ELK3: variants seen among roughly 807,000 people sequenced by gnomAD.
The protein encoded by ELK3 is ETS domain-containing protein Elk-3.
A neutral mutation model predicts 28.9 loss-of-function variants in ELK3; 10 were observed. That is an observed-to-expected ratio of 0.35 (90% CI 0.21 to 0.59). The LOEUF (loss-of-function observed/expected upper bound fraction) is 0.59. Among genes scored for constraint, ELK3 ranks in the 20% least tolerant of loss-of-function variants. The pLI is 0.82. For synonymous variants in ELK3, 272 were observed against 243.5 expected (o/e 1.12, Z -1.09); for missense variants, 463 against 517.3 (o/e 0.90, Z 1.02).
At chr12:96,201,198 AT>A (rs1334241529) in intron 1 of ELK3, among the ~76,000 whole-genome samples, 28 of 152,248 alleles carry the variant, frequency 1.8e-4, no homozygotes, top group Admixed American at 1.8e-3. Context: ...ATTACCTGAT[AT>A]CCGCAAAATA....
intron 1 of ELK3, among the ~76,000 whole-genome samples, chr12:96,209,299 A>G (rs1335113477): frequency 6.6e-6 from 1 of 151,808 alleles, no homozygotes; most frequent in African/African-American, 2.4e-5. Flanking sequence ...AGGAATTCCT[A>G]CCTTTTGCCT....
chr12:96,227,688 C>T (rs947906642), intron 2 of ELK3, among the ~76,000 whole-genome samples: 1 of 152,122 alleles, frequency 6.6e-6, no homozygotes. Context: ...ATTGCTCCTC[C>T]TCAGAGTGTT....
chr12:96,223,794 G>A (rs1021438274), intron 2 of ELK3, 21 bp downstream of exon 2: 3 of 1,612,288 alleles, frequency 1.9e-6, no homozygotes, highest in Non-Finnish European at 2.5e-6. Context: ...GACCTTGCAT[G>A]GGGCCGTCTT....
intron 1 of ELK3, among the ~76,000 whole-genome samples, chr12:96,220,002 C>G (rs1242908413): frequency 2.0e-5 from 3 of 152,146 alleles, no homozygotes; most frequent in African/African-American, 7.2e-5. Flanking sequence ...AGCAGTGTTG[C>G]GCATAGCAAC....
chr12:96,206,154 GT>G (rs1009386274), intron 1 of ELK3, among the ~76,000 whole-genome samples: 9 of 151,692 alleles, frequency 5.9e-5, no homozygotes, highest in Admixed American at 2.0e-4. Context: ...TCCTTTGTGT[GT>G]TTTTTTTAAA....
chr12:96,257,415 A>C (rs899106436), intron 3 of ELK3, among the ~76,000 whole-genome samples: 26 of 152,224 alleles, frequency 1.7e-4, no homozygotes, highest in African/African-American at 6.0e-4. Flanking sequence ...GTCTGAGTAC[A>C]TCCTGTATTC....
chr12:96,266,278 A>G (rs1952028890), intron 4 of ELK3, among the ~76,000 whole-genome samples: 1 of 152,214 alleles, frequency 6.6e-6, no homozygotes, highest in Non-Finnish European at 1.5e-5. Context: ...TTCCTGGACT[A>G]AATAGGAAAT....
chr12:96,203,810 G>A lies in ELK3; in HGVS notation c.-3+9105G>A, dbSNP rs552441659. Among the ~76,000 whole-genome samples, 8 of 152,226 alleles carry A rather than the reference G, an allele frequency of 5.3e-5. No homozygotes were observed. The East Asian group carries it at 7.7e-4, about 15-fold the overall frequency. ...ACAAAAATTAGCCGAGTGTGGTGGC[G>A]CATGCCTGTAATCCTAGCTACTTGG... On this transcript the variant is annotated intron_variant, in intron 1 of 4. Coordinates refer to ENST00000228741, the MANE Select transcript of ELK3 (RefSeq NM_005230.4).
chr12:96,203,331 C>G (rs1013283012), intron 1 of ELK3, among the ~76,000 whole-genome samples: 20 of 152,220 alleles, frequency 1.3e-4, no homozygotes, highest in Non-Finnish European at 2.8e-4. Context: ...TAACTGCGGT[C>G]CCATTCGATT....
chr12:96,218,993 A>T (rs1592675316), intron 1 of ELK3, among the ~76,000 whole-genome samples: 1 of 152,302 alleles, frequency 6.6e-6, no homozygotes, highest in East Asian at 1.9e-4. Flanking sequence ...TAAAAAAAAG[A>T]TTTCTAGCAT....
At chr12:96,226,521 C>CACACAG (rs1387932061) in intron 2 of ELK3, among the ~76,000 whole-genome samples, 12 of 64,020 alleles carry the variant, frequency 1.9e-4, no homozygotes, top group Non-Finnish European at 3.2e-5. Context: ...CATGCCCACA[C>CACACAG]AGATGTCCAC....
In ELK3 at chr12:96,197,050, A is replaced by G. The variant is rs181244200; in HGVS notation, c.-3+2345A>G. 2.6e-3 allele frequency among the ~76,000 whole-genome samples: 397 copies of G among 152,272 alleles called. 6 individuals are homozygous for G. The highest frequency in any genetic ancestry group is 9.2e-3 in the African/African-American group (383 of 41,540). On this transcript the variant is annotated intron_variant, in intron 1 of 4. Transcript: ENST00000228741. The stretch of plus-strand genomic sequence containing the variant: ...TGAGTAGGCTAACAAAACTTATAAT[A>G]GGTAAGAAAAAAGACTTACGAGATC...
chr12:96,210,561 G>GCGCGCACACACACACACA (rs1555193024), intron 1 of ELK3, among the ~76,000 whole-genome samples: 8 of 144,750 alleles, frequency 5.5e-5, no homozygotes, highest in African/African-American at 1.5e-4. Flanking sequence ...GCGCGCGGGC[G>GCGCGCACACACACACACA]CACGCACACA....
At chr12:96,216,177 T>C (rs1032070540) in intron 1 of ELK3, among the ~76,000 whole-genome samples, 9 of 152,172 alleles carry the variant, frequency 5.9e-5, no homozygotes, top group Non-Finnish European at 1.3e-4. Context: ...GCTTGTCATT[T>C]AGAACATCTT....
chr12:96,267,957 A>G lies in ELK3; in HGVS notation c.*777A>G, dbSNP rs567509394. On this transcript the variant is annotated 3_prime_UTR_variant, in exon 5 of 5. Transcript: ENST00000228741. ...CAAAAATCTGAGATGGAAAAGCTACATCAAGTTCATGCTATTCCAGGCCCA... is the reference window on the plus strand; with the variant it reads ...CAAAAATCTGAGATGGAAAAGCTACGTCAAGTTCATGCTATTCCAGGCCCA... 2.6e-5 allele frequency: 4 copies of G among 152,274 alleles called. No individual in the cohort carries two copies. Among genetic ancestry groups the G allele is most frequent in the Non-Finnish European group, 5.9e-5 (4 of 68,018 alleles). The allele number at this position is 152,274 out of a possible 1,614,324, so 9.4% of individuals were successfully genotyped here. A position where few individuals can be genotyped will look rare whatever the true frequency, so the allele number is the denominator to read the frequency against.
chr12:96,207,010 G>A (rs755190960), intron 1 of ELK3, among the ~76,000 whole-genome samples: 20 of 152,150 alleles, frequency 1.3e-4, no homozygotes, highest in Non-Finnish European at 2.8e-4. Flanking sequence ...TGAGAAGACT[G>A]TTAAGTTTTG....
chr12:96,232,716 G>A (rs1951751562), intron 2 of ELK3, among the ~76,000 whole-genome samples: 1 of 151,558 alleles, frequency 6.6e-6, no homozygotes, highest in South Asian at 2.1e-4. Flanking sequence ...TTTGAGACCA[G>A]CCTGGGCAAT....
At chr12:96,265,362 AAGAG>A (rs911008712) in intron 4 of ELK3, among the ~76,000 whole-genome samples, 1 of 152,202 alleles carries the variant, frequency 6.6e-6, no homozygotes, top group Non-Finnish European at 1.5e-5. Flanking sequence ...AGGTACACCA[AAGAG>A]AGAGAAGATG....
chr12:96,234,315 G>T (rs1397619201), intron 2 of ELK3, among the ~76,000 whole-genome samples: 1 of 152,194 alleles, frequency 6.6e-6, no homozygotes, highest in African/African-American at 2.4e-5. Context: ...GGGCTCGGCT[G>T]CCAAAGCTCT....
Sources: allele counts gnomAD v4.1 joint callset (sites outside exome capture counted in the v4.1 genomes callset), GRCh38; gene constraint gnomAD v4.1.1; transcripts MANE v1.5; gene names NCBI Gene and HGNC (gene_info 2026-07-23, HGNC 2026-07-21).